CACNA2D1: variants seen among roughly 807,000 people sequenced by gnomAD.
CACNA2D1 encodes the protein calcium voltage-gated channel auxiliary subunit alpha2delta 1.
A neutral mutation model predicts 171.5 loss-of-function variants in CACNA2D1; 53 were observed. The ratio of observed to expected loss-of-function variants is 0.31; its 90% CI spans 0.25 to 0.39. The LOEUF (loss-of-function observed/expected upper bound fraction) is 0.39, where lower values mean the gene tolerates loss of function less well. CACNA2D1 is among the 10% of genes least tolerant of loss of function. The probability of loss-of-function intolerance (pLI) is 1.00; values close to 1 mark genes in which losing one functional copy is unlikely to be tolerated. For missense variants in CACNA2D1, 903 were observed against 1,299.8 expected, an observed-to-expected ratio of 0.69 and a Z score of 4.69; for synonymous variants, 442 against 443.1, an observed-to-expected ratio of 1.00 and a Z score of 0.03.
At chr7:82,127,928 T>C (rs1428158143) in intron 5 of CACNA2D1, among the ~76,000 whole-genome samples, 1 of 150,268 alleles carries the variant, frequency 6.7e-6, no homozygotes, top group East Asian at 1.9e-4. Context: ...TTTTCTGAGG[T>C]TTTTTGTTTG....
rs57473351 is a variant in CACNA2D1 at position 82,297,072 on chromosome 7, C to CAAAAAAAAAAAAAA, written c.294+38049_294+38062dup. Among the ~76,000 whole-genome samples the CAAAAAAAAAAAAAA allele has an allele frequency of 6.4e-4, 46 of 72,224 alleles. 1 individual carries two copies. The highest frequency in any genetic ancestry group is 7.9e-4 in the Non-Finnish European group (32 of 40,430). 47.4% of individuals were successfully genotyped at this position (72,224 alleles called of 152,430 possible). A position where few individuals can be genotyped will look rare whatever the true frequency, so the allele number is the denominator to read the frequency against. ...AAACATAGTGAGGCTCTGTGTCTACCAAAAAAAAAAAAAAAAAAAAAAAAA... is the reference window on the plus strand; with the variant it reads ...AAACATAGTGAGGCTCTGTGTCTACCAAAAAAAAAAAAAAAAAAAAAAAAAAAAAAAAAAAAAAA... On this transcript the variant is annotated intron_variant, in intron 3 of 38. Coordinates refer to ENST00000356860, the MANE Select transcript of CACNA2D1 (RefSeq NM_000722.4).
At chr7:81,981,420 A>G (rs1387268844) in intron 24 of CACNA2D1, among the ~76,000 whole-genome samples, 1 of 152,232 alleles carries the variant, frequency 6.6e-6, no homozygotes, top group African/African-American at 2.4e-5. Flanking sequence ...GCATTCAAAA[A>G]GCCAAGAATA....
In CACNA2D1 at chr7:81,955,910, G is replaced by GTC. The variant is rs1554324643; in HGVS notation, c.3159+3364_3159+3365insGA. 1.6e-3 allele frequency among the ~76,000 whole-genome samples: 25 copies of GTC among 15,798 alleles called. No homozygotes were observed. In the East Asian group the frequency reaches 0.077, roughly 49 times the overall value. The allele number at this position is 15,798 out of a possible 152,430, so 10.4% of individuals were successfully genotyped here. Reference sequence around the variant, plus strand: ...ATAGGAAAATGTTATTTTGGTGGGGGGGGGGGGGGGTGGTGGTCTTAGGTT... The same window carrying GTC: ...ATAGGAAAATGTTATTTTGGTGGGGGTCGGGGGGGGGGTGGTGGTCTTAGGTT... On this transcript the variant is annotated intron_variant, in intron 38 of 38. Transcript: ENST00000356860.
In CACNA2D1 at chr7:82,098,139, A is replaced by T. The variant is rs1584738831; in HGVS notation, c.527-13239T>A. 2.0e-5 allele frequency among the ~76,000 whole-genome samples: 3 copies of T among 152,256 alleles called. No homozygotes were observed. The South Asian group carries it at 6.2e-4, about 32-fold the overall frequency. On this transcript the variant is annotated intron_variant, in intron 6 of 38. Transcript: ENST00000356860. Reference sequence around the variant, plus strand: ...AGCAAGACTTCGTCTAAAAAATAAAAAAAATAAAAAAATAAAGCAAGAAAT... The same window carrying T: ...AGCAAGACTTCGTCTAAAAAATAAATAAAATAAAAAAATAAAGCAAGAAAT...
intron 38 of CACNA2D1, among the ~76,000 whole-genome samples, chr7:81,950,751 GAA>G (rs1049720578): frequency 3.3e-5 from 5 of 151,800 alleles, no homozygotes. Flanking sequence ...GATTATGAAA[GAA>G]AATAATAAAT....
intron 3 of CACNA2D1, among the ~76,000 whole-genome samples, chr7:82,320,092 G>C (rs564365885): frequency 6.6e-6 from 1 of 151,900 alleles, no homozygotes; most frequent in East Asian, 1.9e-4. Context: ...AAATAAATCT[G>C]GAAGACAGAT....
At chr7:82,402,070 T>C (rs1202282337) in intron 1 of CACNA2D1, among the ~76,000 whole-genome samples, 1 of 152,132 alleles carries the variant, frequency 6.6e-6, no homozygotes, top group Admixed American at 6.6e-5. Flanking sequence ...TACTAACTGA[T>C]TGACAAAATG....
At chr7:82,191,116 CT>C in intron 3 of CACNA2D1, among the ~76,000 whole-genome samples, 2 of 151,764 alleles carry the variant, frequency 1.3e-5, no homozygotes, top group East Asian at 3.9e-4. Context: ...TCACAATCCC[CT>C]TATTACATAA....
intron 3 of CACNA2D1, among the ~76,000 whole-genome samples, chr7:82,194,649 T>C (rs1798677012): frequency 6.6e-6 from 1 of 152,036 alleles, no homozygotes; most frequent in South Asian, 2.1e-4. Flanking sequence ...TATTACGATA[T>C]ATTTTAATGA....
At chr7:82,261,142 AC>A (rs1807037184) in intron 3 of CACNA2D1, among the ~76,000 whole-genome samples, 1 of 152,078 alleles carries the variant, frequency 6.6e-6, no homozygotes, top group African/African-American at 2.4e-5. Flanking sequence ...TTTAGTAGAG[AC>A]AGGGTTTTAC....
chr7:82,203,981 T>G (rs1386166006), intron 3 of CACNA2D1, among the ~76,000 whole-genome samples: 1 of 152,138 alleles, frequency 6.6e-6, no homozygotes, highest in Admixed American at 6.5e-5. Context: ...GCAGCAGAGT[T>G]GCAAGAGATC....
intron 1 of CACNA2D1, among the ~76,000 whole-genome samples, chr7:82,422,701 A>G (rs1417285747): frequency 2.0e-5 from 3 of 152,126 alleles, no homozygotes; most frequent in Non-Finnish European, 4.4e-5. Context: ...AGTGACAGAT[A>G]TAATGTAGTA....
intron 3 of CACNA2D1, among the ~76,000 whole-genome samples, chr7:82,172,713 C>G (rs923745892): frequency 4.5e-5 from 6 of 133,728 alleles, no homozygotes; most frequent in Non-Finnish European, 6.1e-5. Flanking sequence ...GCTGGTATTA[C>G]ACACATGAGC....
In CACNA2D1 at chr7:82,250,919, G is replaced by A. The variant is rs893121601; in HGVS notation, c.295-80310C>T. On this transcript the variant is annotated intron_variant, in intron 3 of 38. Coordinates refer to ENST00000356860, the MANE Select transcript of CACNA2D1 (RefSeq NM_000722.4). ...ACAAGAATATCTCAGGACTTGATTT[G>A]TATCATTTTTAATAACCTTTTCCCA... Among the ~76,000 whole-genome samples, 9 of 152,030 alleles carry A rather than the reference G, an allele frequency of 5.9e-5. No individual in the cohort carries two copies. The East Asian group carries it at 1.7e-3, about 29-fold the overall frequency.
At chr7:82,297,007 G>A (rs915015740) in intron 3 of CACNA2D1, among the ~76,000 whole-genome samples, 3 of 146,516 alleles carry the variant, frequency 2.0e-5, no homozygotes, top group Non-Finnish European at 4.4e-5. Flanking sequence ...GGCGGAGGTG[G>A]GAAGATCGCT....
In CACNA2D1 at chr7:82,220,882, G is replaced by A. The variant is rs375250365; in HGVS notation, c.295-50273C>T. 5.3e-5 allele frequency among the ~76,000 whole-genome samples: 8 copies of A among 150,606 alleles called. No individual in the cohort carries two copies. In the East Asian group the frequency reaches 9.9e-4, roughly 19 times the overall value. On this transcript the variant is annotated intron_variant, in intron 3 of 38. Coordinates refer to ENST00000356860, the MANE Select transcript of CACNA2D1 (RefSeq NM_000722.4). ...CAACCTCCACCACACAGGTTAAAGCGATTCTCATGCCTCAGCCTCCAGAGT... is the reference window on the plus strand; with the variant it reads ...CAACCTCCACCACACAGGTTAAAGCAATTCTCATGCCTCAGCCTCCAGAGT...
intron 3 of CACNA2D1, among the ~76,000 whole-genome samples, chr7:82,189,862 T>A (rs1432159738): frequency 6.6e-6 from 1 of 151,962 alleles, no homozygotes; most frequent in East Asian, 1.9e-4. Flanking sequence ...TTAAGATTAC[T>A]CATGATTTTG....
chr7:82,070,103 T>C (rs562684788), intron 7 of CACNA2D1, among the ~76,000 whole-genome samples: 1 of 152,264 alleles, frequency 6.6e-6, no homozygotes, highest in Non-Finnish European at 1.5e-5. Context: ...AAAATTTCCA[T>C]AAATTTCAGT....
chr7:82,316,951 T>A (rs1330094609), intron 3 of CACNA2D1, among the ~76,000 whole-genome samples: 1 of 152,164 alleles, frequency 6.6e-6, no homozygotes, highest in Non-Finnish European at 1.5e-5. Context: ...GGGTGAGATT[T>A]GGGCGGGGAC....
Sources: allele counts gnomAD v4.1 joint callset (sites outside exome capture counted in the v4.1 genomes callset), GRCh38; gene constraint gnomAD v4.1.1; transcripts MANE v1.5; gene names NCBI Gene and HGNC (gene_info 2026-07-23, HGNC 2026-07-21).